Variants in EFEMP1 observed in about 807,000 individuals in gnomAD.
The protein encoded by EFEMP1 is EGF-containing fibulin-like extracellular matrix protein 1.
In EFEMP1, 18 loss-of-function variants were observed where a neutral mutation model predicts 65.7. The ratio of observed to expected loss-of-function variants is 0.27; its 90% CI spans 0.19 to 0.41. EFEMP1 has a LOEUF of 0.41. EFEMP1 is among the 10% of genes least tolerant of loss of function. EFEMP1 has a pLI of 1.00. For synonymous variants in EFEMP1, 237 were observed against 219.7 expected, an observed-to-expected ratio of 1.08 and a Z score of -0.70; for missense variants, 469 against 624.8, an observed-to-expected ratio of 0.75 and a Z score of 2.66.
chr2:55,889,881 T>C (rs2104406035), intron 5 of EFEMP1, among the ~76,000 whole-genome samples: 1 of 148,192 alleles, frequency 6.7e-6, no homozygotes, highest in Non-Finnish European at 1.5e-5. Context: ...TAATACAAAA[T>C]ACTCCATCAA....
At chr2:55,869,724 C>A (rs1049186704) in intron 11 of EFEMP1, among the ~76,000 whole-genome samples, 4 of 152,000 alleles carry the variant, frequency 2.6e-5, no homozygotes, top group Non-Finnish European at 4.4e-5. Context: ...AAAGAGTGCC[C>A]AAAGGAGTTT....
chr2:55,892,788 CA>C (rs1368320918), intron 5 of EFEMP1, among the ~76,000 whole-genome samples: 4 of 152,004 alleles, frequency 2.6e-5, no homozygotes, highest in Admixed American at 6.6e-5. Context: ...AGGTTGATGC[CA>C]AACTAAGTCA....
intron 6 of EFEMP1, among the ~76,000 whole-genome samples, chr2:55,878,132 A>G (rs1374089559): frequency 6.6e-6 from 1 of 152,196 alleles, no homozygotes; most frequent in African/African-American, 2.4e-5. Flanking sequence ...AATTGAGACT[A>G]TTGCATATAT....
intron 5 of EFEMP1, among the ~76,000 whole-genome samples, chr2:55,915,130 T>C (rs1358998117): frequency 2.0e-5 from 3 of 152,210 alleles, no homozygotes; most frequent in African/African-American, 7.2e-5. Flanking sequence ...ATGGGCACTT[T>C]GCAAAATTGT....
chr2:55,916,913 C>G (rs1670711482), intron 5 of EFEMP1, among the ~76,000 whole-genome samples: 1 of 152,202 alleles, frequency 6.6e-6, no homozygotes, highest in African/African-American at 2.4e-5. Flanking sequence ...CTAGAATACA[C>G]AGTGATGTGT....
chr2:55,915,028 G>A (rs182431248), intron 5 of EFEMP1, among the ~76,000 whole-genome samples: 27 of 152,306 alleles, frequency 1.8e-4, no homozygotes, highest in Admixed American at 7.2e-4. Context: ...AGTGTGACTC[G>A]ACTTATGTTA....
At chr2:55,906,409 G>T (rs1422812634) in intron 5 of EFEMP1, among the ~76,000 whole-genome samples, 1 of 150,058 alleles carries the variant, frequency 6.7e-6, no homozygotes, top group African/African-American at 2.4e-5. Context: ...TTTTTAGTAG[G>T]GACGGGGTTT....
intron 11 of EFEMP1, among the ~76,000 whole-genome samples, chr2:55,868,483 C>A (rs1208562640): frequency 6.6e-6 from 1 of 152,068 alleles, no homozygotes; most frequent in Non-Finnish European, 1.5e-5. Context: ...GGATATTCAA[C>A]CTTCAATTTC....
chr2:55,869,438 T>C (rs72807767), intron 11 of EFEMP1, among the ~76,000 whole-genome samples: 4,419 of 152,246 alleles, frequency 0.029, 127 homozygotes, highest in South Asian at 0.14. Flanking sequence ...AGAACTATAA[T>C]ATATTCTTTT....
At position 55,893,885 on chromosome 2, in the gene EFEMP1, T is replaced by C. The variant is rs1260019377; in HGVS notation, c.518-12151A>G. The stretch of plus-strand genomic sequence containing the variant: ...AACACCCAATCAACAGGAGCATCTA[T>C]GGTATGACCTTCCCCTCCTTTGGCA... On this transcript the variant is annotated intron_variant, in intron 5 of 11. Transcript: ENST00000355426. Among the ~76,000 whole-genome samples, 7 of 152,238 alleles carry C rather than the reference T, an allele frequency of 4.6e-5. No individual in the cohort carries two copies. The South Asian group carries it at 1.4e-3, about 31-fold the overall frequency.
chr2:55,889,864 A>C (rs1669570529), intron 5 of EFEMP1, among the ~76,000 whole-genome samples: 1 of 151,856 alleles, frequency 6.6e-6, no homozygotes, highest in African/African-American at 2.4e-5. Flanking sequence ...TAGAGGGGAA[A>C]ATAGAATAAT....
intron 5 of EFEMP1, among the ~76,000 whole-genome samples, chr2:55,897,945 C>T (rs1184160169): frequency 6.6e-6 from 1 of 152,182 alleles, no homozygotes; most frequent in East Asian, 1.9e-4. Context: ...AACCTTGTTA[C>T]AATGACTCTG....
In EFEMP1 at chr2:55,866,725, G is replaced by A. The variant is rs780507817; in HGVS notation, c.*348C>T. ...ATGATGGCTGCCTCCTTATGAGACT[G>A]TTAGTGGAGCTCTAGTAAGTTTCCT... On this transcript the variant is annotated 3_prime_UTR_variant, in exon 12 of 12. Coordinates refer to ENST00000355426, the MANE Select transcript of EFEMP1 (RefSeq NM_001039348.3). 4.0e-6 allele frequency: 1 copy of A among 249,588 alleles called. No individual in the cohort carries two copies. The allele number at this position is 249,588 out of a possible 1,614,324, so 15.5% of individuals were successfully genotyped here. A position where few individuals can be genotyped will look rare whatever the true frequency, so the allele number is the denominator to read the frequency against.
Position 55,895,763 on chromosome 2 carries a change from T to C in EFEMP1, c.518-14029A>G, listed in dbSNP as rs6761658. ...TCACTGTGTTAGCCAGGATTGTCTC[T>C]ATCTCCTGACCTCGTGATCCGCCCG... On this transcript the variant is annotated intron_variant, in intron 5 of 11. Coordinates refer to ENST00000355426, the MANE Select transcript of EFEMP1 (RefSeq NM_001039348.3). Among the ~76,000 whole-genome samples, 234 of 150,888 alleles carry C rather than the reference T, an allele frequency of 1.6e-3. 2 individuals are homozygous for C. Among genetic ancestry groups the C allele is most frequent in the South Asian group, 1.1e-3 (5 of 4,760 alleles).
At chr2:55,872,333 T>C (rs1668841969) in intron 9 of EFEMP1, among the ~76,000 whole-genome samples, 1 of 152,146 alleles carries the variant, frequency 6.6e-6, no homozygotes, top group Non-Finnish European at 1.5e-5. Flanking sequence ...TTTAAGGGCC[T>C]TTATTGCTTT....
chr2:55,917,905 C>G lies in EFEMP1; in HGVS notation c.277G>C (p.Gly93Arg). ...ACCCCGGTGGTTGCCCCTGAGGTTC[C>G]TTCTGCTGGTTGTGTTTCCTGCTGA... ...QPQQETQPAEGTSGATTGVVA... is the reference protein window; with the variant it reads ...QPQQETQPAERTSGATTGVVA... Residue 93 changes from glycine to arginine, a missense_variant, in exon 5 of 12, where the codon GGA (glycine) becomes CGA (arginine). Transcript: ENST00000355426. This position sits in a 1 kb window ranked among gnomAD's most constrained non-coding sequence, Gnocchi z 6.3. 2 of 1,614,190 alleles carry G rather than the reference C, an allele frequency of 1.2e-6. No homozygotes were observed. The highest frequency in any genetic ancestry group is 8.5e-7 in the Non-Finnish European group (1 of 1,180,036).
intron 5 of EFEMP1, among the ~76,000 whole-genome samples, chr2:55,910,988 A>G (rs558380007): frequency 6.6e-6 from 1 of 152,220 alleles, no homozygotes; most frequent in East Asian, 1.9e-4. Flanking sequence ...CTTAAGGAGG[A>G]GCCCTATAGA....
chr2:55,875,748 C>T (rs1558461572), intron 8 of EFEMP1, among the ~76,000 whole-genome samples: 1 of 152,106 alleles, frequency 6.6e-6, no homozygotes, highest in African/African-American at 2.4e-5. Context: ...AATGCCAAGT[C>T]CCCTAACCTG....
rs1669088704 is a variant in EFEMP1 at position 55,877,685 on chromosome 2, C to A, written c.760+61G>T. 3.7e-6 allele frequency: 6 copies of A among 1,609,364 alleles called. No homozygotes were observed. The highest frequency in any genetic ancestry group is 1.1e-5 in the South Asian group (1 of 90,830). The stretch of plus-strand genomic sequence containing the variant: ...AGAACATAGAAAACTGGAAATACTG[C>A]AACATGGCATGGGGTTTCCTTTTGT... On this transcript the variant is annotated intron_variant, in intron 7 of 11. Coordinates refer to ENST00000355426, the MANE Select transcript of EFEMP1 (RefSeq NM_001039348.3). The surrounding 1 kb of genome is among the most constrained non-coding windows in gnomAD (Gnocchi z 4.5).
Sources: allele counts gnomAD v4.1 joint callset (sites outside exome capture counted in the v4.1 genomes callset), GRCh38; gene constraint gnomAD v4.1.1; non-coding constraint Gnocchi (gnomAD v3.1); transcripts MANE v1.5; gene names NCBI Gene and HGNC (gene_info 2026-07-23, HGNC 2026-07-21).